TMEM132C: variants seen among roughly 807,000 people sequenced by gnomAD.
The protein encoded by TMEM132C is protein phosphatase 1, regulatory subunit 152.
In TMEM132C, 29 loss-of-function variants were observed where a neutral mutation model predicts 61.4. The ratio of observed to expected loss-of-function variants is 0.47; its 90% confidence interval spans 0.35 to 0.64. TMEM132C has a LOEUF of 0.64. Among genes scored for constraint, TMEM132C ranks in the 30% least tolerant of loss-of-function variants. The probability of loss-of-function intolerance (pLI) is 0.00; values close to 1 mark genes in which losing one functional copy is unlikely to be tolerated. For missense variants in TMEM132C, 1,408 were observed against 1,476.9 expected (o/e 0.95, Z 0.76); for synonymous variants, 656 against 633.1 (o/e 1.04, Z -0.54).
Position 128,267,305 on chromosome 12 carries a change from T to C in TMEM132C, c.-98T>C. The C allele has an allele frequency of 7.7e-6, 6 of 778,028 alleles. No individual in the cohort carries two copies. Among genetic ancestry groups the C allele is most frequent in the East Asian group, 2.6e-4 (2 of 7,712 alleles). 48.2% of individuals were successfully genotyped at this position (778,028 alleles called of 1,614,324 possible). ...ACGCAGCGGGCCCGGCCGACCGGGC[T>C]GCGGGAGTGGCCCCGGGCATGGGGC... On this transcript the variant is annotated 5_prime_UTR_variant, in exon 1 of 9. Coordinates refer to ENST00000435159, the MANE Select transcript of TMEM132C (RefSeq NM_001136103.3).
At chr12:128,361,580 C>A (rs1415352320) in intron 1 of TMEM132C, among the ~76,000 whole-genome samples, 1 of 152,064 alleles carries the variant, frequency 6.6e-6, no homozygotes, top group African/African-American at 2.4e-5. Flanking sequence ...TTGCTGGGAT[C>A]ATGGGCAACA....
intron 4 of TMEM132C, among the ~76,000 whole-genome samples, chr12:128,658,835 T>C (rs1224593353): frequency 6.6e-5 from 10 of 152,262 alleles, no homozygotes; most frequent in Non-Finnish European, 1.5e-4. Context: ...TGCAAATCTA[T>C]GCCAAGTTGA....
chr12:128,644,667 G>T (rs1310315038), intron 4 of TMEM132C, among the ~76,000 whole-genome samples: 1 of 152,144 alleles, frequency 6.6e-6, no homozygotes, highest in Non-Finnish European at 1.5e-5. Flanking sequence ...ACTGGATTGT[G>T]GTACAGGCTA....
intron 2 of TMEM132C, among the ~76,000 whole-genome samples, chr12:128,489,684 A>G (rs1871643445): frequency 1.3e-5 from 2 of 151,514 alleles, no homozygotes; most frequent in Admixed American, 6.6e-5. Context: ...CCCCACTCAG[A>G]CTCATATATA....
chr12:128,635,780 A>G (rs910501334), intron 4 of TMEM132C, among the ~76,000 whole-genome samples: 3 of 152,216 alleles, frequency 2.0e-5, no homozygotes, highest in African/African-American at 7.2e-5. Flanking sequence ...CAGCGCTCCC[A>G]GGTGGATGTC....
At chr12:128,530,286 G>T (rs1048319217) in intron 2 of TMEM132C, among the ~76,000 whole-genome samples, 1 of 152,142 alleles carries the variant, frequency 6.6e-6, no homozygotes, top group African/African-American at 2.4e-5. Context: ...CCAGGGCTGT[G>T]CTGGTCAGTG....
intron 5 of TMEM132C, among the ~76,000 whole-genome samples, chr12:128,692,951 A>T (rs1481862962): frequency 2.6e-5 from 4 of 152,214 alleles, no homozygotes; most frequent in African/African-American, 9.7e-5. Flanking sequence ...CGCATAGGGA[A>T]AGGGAACATA....
chr12:128,583,809 C>T (rs1409960821), intron 3 of TMEM132C, among the ~76,000 whole-genome samples: 1 of 152,348 alleles, frequency 6.6e-6, no homozygotes, highest in Admixed American at 6.5e-5. Context: ...ATGAAGCTGG[C>T]CTCCTTGGCA....
intron 5 of TMEM132C, among the ~76,000 whole-genome samples, chr12:128,691,099 G>A (rs1309342747): frequency 6.6e-6 from 1 of 152,328 alleles, no homozygotes; most frequent in African/African-American, 2.4e-5. Flanking sequence ...AGCAATTATA[G>A]CTTAGTATGC....
At chr12:128,289,838 TC>T (rs1422079259) in intron 1 of TMEM132C, among the ~76,000 whole-genome samples, 3 of 152,212 alleles carry the variant, frequency 2.0e-5, no homozygotes, top group Admixed American at 6.5e-5. Context: ...AATTGCATTT[TC>T]CCCAAAACAT....
At chr12:128,309,188 G>A (rs1262703069) in intron 1 of TMEM132C, among the ~76,000 whole-genome samples, 2 of 152,198 alleles carry the variant, frequency 1.3e-5, no homozygotes, top group African/African-American at 4.8e-5. Flanking sequence ...TCAGAATGAA[G>A]CCGTATCGTT....
chr12:128,665,251 G>A (rs562058755), intron 4 of TMEM132C, among the ~76,000 whole-genome samples: 30 of 113,660 alleles, frequency 2.6e-4, no homozygotes, highest in African/African-American at 1.0e-3. Flanking sequence ...ACACACATAG[G>A]CACTCGCACA....
At chr12:128,452,589 TA>T (rs1338771329) in intron 2 of TMEM132C, among the ~76,000 whole-genome samples, 2 of 111,098 alleles carry the variant, frequency 1.8e-5, no homozygotes, top group Non-Finnish European at 3.7e-5. Context: ...GGGGGGGTTG[TA>T]GGGGGCCGGG....
intron 2 of TMEM132C, among the ~76,000 whole-genome samples, chr12:128,516,913 C>T (rs942125622): frequency 1.3e-5 from 2 of 151,774 alleles, no homozygotes; most frequent in African/African-American, 4.8e-5. Flanking sequence ...GACCCTGTTT[C>T]TAAAACAATT....
chr12:128,326,052 C>T lies in TMEM132C; in HGVS notation c.85+58565C>T, dbSNP rs1048232655. ...ACTCAGGACATGGCCAGTATTCACA[C>T]AGTATTGGAATGAACGAGTAAATGA... On this transcript the variant is annotated intron_variant, in intron 1 of 8. Transcript: ENST00000435159. The surrounding 1 kb of genome is among the most constrained non-coding windows in gnomAD (Gnocchi z 5.6). Among the ~76,000 whole-genome samples the T allele has an allele frequency of 5.3e-5, 8 of 152,090 alleles. No homozygotes were observed. The highest frequency in any genetic ancestry group is 1.9e-4 in the African/African-American group (8 of 41,406).
chr12:128,409,757 T>C (rs558747070), intron 1 of TMEM132C, among the ~76,000 whole-genome samples: 4 of 152,214 alleles, frequency 2.6e-5, no homozygotes, highest in African/African-American at 7.2e-5. Context: ...TGAATCTCAG[T>C]AGGGGGCCAG....
chr12:128,598,876 G>T (rs1027014510), intron 3 of TMEM132C, among the ~76,000 whole-genome samples: 6 of 142,192 alleles, frequency 4.2e-5, no homozygotes, highest in Non-Finnish European at 9.2e-5. Context: ...GGTGGGGTTT[G>T]GGTGGGAGTG....
chr12:128,674,862 T>C (rs1954568192), intron 5 of TMEM132C, among the ~76,000 whole-genome samples: 2 of 149,902 alleles, frequency 1.3e-5, no homozygotes, highest in Admixed American at 1.3e-4. Context: ...CCAAAGTCCA[T>C]TGTATCATTC....
chr12:128,390,905 T>G (rs1874745031), intron 1 of TMEM132C, among the ~76,000 whole-genome samples: 1 of 152,120 alleles, frequency 6.6e-6, no homozygotes, highest in Admixed American at 6.5e-5. Context: ...AGGGTTGCTT[T>G]TAGAATCAGA....
Sources: allele counts gnomAD v4.1 joint callset (sites outside exome capture counted in the v4.1 genomes callset), GRCh38; gene constraint gnomAD v4.1.1; non-coding constraint Gnocchi (gnomAD v3.1); transcripts MANE v1.5; gene names NCBI Gene and HGNC (gene_info 2026-07-23, HGNC 2026-07-21).